RAD51B: variants seen among roughly 807,000 people sequenced by gnomAD.
RAD51B encodes the protein DNA repair protein RAD51 homolog 2.
Under a neutral mutation model 42.2 loss-of-function variants are expected in RAD51B, and 38 were observed. The observed-to-expected ratio is 0.90, with a 90% CI of 0.70 to 1.18. The LOEUF (loss-of-function observed/expected upper bound fraction) is 1.18. Among genes scored for constraint, RAD51B ranks in the 50% most tolerant of loss-of-function variants. The pLI is 0.00. For synonymous variants in RAD51B, 154 were observed against 145.2 expected, an observed-to-expected ratio of 1.06 and a Z score of -0.43; for missense variants, 373 against 400.7, an observed-to-expected ratio of 0.93 and a Z score of 0.59.
At chr14:67,839,413 A>G (rs752004733) in intron 4 of RAD51B, among the ~76,000 whole-genome samples, 15 of 152,000 alleles carry the variant, frequency 9.9e-5, no homozygotes, top group Non-Finnish European at 2.2e-4. Flanking sequence ...AGTGAATGAG[A>G]TTTTTAGGAA....
chr14:68,030,169 T>C (rs1408088025), intron 7 of RAD51B, among the ~76,000 whole-genome samples: 2 of 152,164 alleles, frequency 1.3e-5, no homozygotes, highest in African/African-American at 2.4e-5. Flanking sequence ...CAAATGAGCA[T>C]TGGTTTCAAC....
intron 10 of RAD51B, among the ~76,000 whole-genome samples, chr14:68,526,968 C>T (rs1886974642): frequency 6.6e-6 from 1 of 152,200 alleles, no homozygotes; most frequent in African/African-American, 2.4e-5. Flanking sequence ...ACAGTGCGGC[C>T]TGAATCTGTG....
At chr14:68,504,745 C>T (rs189184062) in intron 10 of RAD51B, among the ~76,000 whole-genome samples, 11 of 126,696 alleles carry the variant, frequency 8.7e-5, no homozygotes, top group African/African-American at 2.4e-4. Context: ...TAGTAATAAT[C>T]GCATATGGCT....
chr14:68,641,967 G>A (rs1193509788), intron 10 of RAD51B, among the ~76,000 whole-genome samples: 1 of 151,778 alleles, frequency 6.6e-6, no homozygotes. Flanking sequence ...TGATCATAGT[G>A]TATACTTCTT....
chr14:68,600,717 T>C (rs1891183505), downstream of RAD51B, among the ~76,000 whole-genome samples: 2 of 152,216 alleles, frequency 1.3e-5, no homozygotes, highest in South Asian at 4.1e-4. Flanking sequence ...TAAAGGCCTT[T>C]GTCCAGAGAA....
chr14:68,403,264 T>A (rs2084167027), intron 8 of RAD51B, among the ~76,000 whole-genome samples: 1 of 152,182 alleles, frequency 6.6e-6, no homozygotes, highest in Admixed American at 6.5e-5. Flanking sequence ...GGCCATGAAC[T>A]TTTCCTTCCC....
intron 7 of RAD51B, among the ~76,000 whole-genome samples, chr14:68,056,506 T>C (rs1595335299): frequency 1.3e-5 from 2 of 151,782 alleles, no homozygotes; most frequent in African/African-American, 4.8e-5. Flanking sequence ...TCCAGCACTT[T>C]GGGAGGCTGA....
intron 7 of RAD51B, among the ~76,000 whole-genome samples, chr14:68,064,607 G>A (rs2076620478): frequency 6.6e-6 from 1 of 151,818 alleles, no homozygotes; most frequent in Non-Finnish European, 1.5e-5. Flanking sequence ...ACTTAATGGT[G>A]TCCCAAAGTC....
chr14:68,497,093 C>T (rs1884582706), intron 10 of RAD51B: 3 of 1,364,408 alleles, frequency 2.2e-6, no homozygotes, highest in Non-Finnish European at 2.9e-6. Context: ...TTCTAGGTAT[C>T]TTGACACTCA....
intron 8 of RAD51B, among the ~76,000 whole-genome samples, chr14:68,294,470 T>G (rs1218309052): frequency 2.6e-5 from 4 of 152,230 alleles, no homozygotes; most frequent in Non-Finnish European, 5.9e-5. Flanking sequence ...CACACAGACA[T>G]GCACACGCAT....
intron 10 of RAD51B, among the ~76,000 whole-genome samples, chr14:68,544,642 G>T (rs1441074119): frequency 6.6e-6 from 1 of 152,096 alleles, no homozygotes; most frequent in Non-Finnish European, 1.5e-5. Context: ...TGCTTTCTGG[G>T]CAGACTGAAA....
chr14:67,939,733 C>CACATGGCTGTTCCCATCACAGGG (rs2045093185), intron 7 of RAD51B, among the ~76,000 whole-genome samples: 1 of 151,952 alleles, frequency 6.6e-6, no homozygotes, highest in Admixed American at 6.6e-5. Flanking sequence ...ATTATGTCTT[C>CACATGGCTGTTCCCATCACAGGG]ACATGGCTGT....
intron 7 of RAD51B, among the ~76,000 whole-genome samples, chr14:68,144,147 A>G (rs1235241691): frequency 6.6e-6 from 1 of 152,166 alleles, no homozygotes; most frequent in Admixed American, 6.5e-5. Flanking sequence ...ACACTTTCTC[A>G]ATTCTGACAG....
intron 7 of RAD51B, among the ~76,000 whole-genome samples, chr14:68,126,227 G>C (rs1054463222): frequency 6.6e-6 from 1 of 151,792 alleles, no homozygotes; most frequent in Non-Finnish European, 1.5e-5. Flanking sequence ...TTAAATATTC[G>C]TATTCATAAT....
At chr14:68,121,500 C>T (rs1433040903) in intron 7 of RAD51B, among the ~76,000 whole-genome samples, 2 of 152,116 alleles carry the variant, frequency 1.3e-5, no homozygotes, top group Non-Finnish European at 2.9e-5. Flanking sequence ...TTGGTAAGTG[C>T]CCTCTTGCTA....
chr14:68,616,487 C>CT (rs1312229291), downstream of RAD51B, among the ~76,000 whole-genome samples: 2 of 152,050 alleles, frequency 1.3e-5, no homozygotes, highest in African/African-American at 4.8e-5. Context: ...TAAAATACAG[C>CT]TTTTTTCAGA....
intron 7 of RAD51B, among the ~76,000 whole-genome samples, chr14:68,237,783 T>C (rs536504070): frequency 1.8e-4 from 26 of 141,376 alleles, no homozygotes; most frequent in Non-Finnish European, 2.9e-4. Context: ...GTCACCAGGC[T>C]GGAGTGCAGT....
intron 4 of RAD51B, among the ~76,000 whole-genome samples, chr14:67,846,010 G>A (rs1165953276): frequency 1.3e-5 from 2 of 152,160 alleles, no homozygotes; most frequent in African/African-American, 4.8e-5. Flanking sequence ...CTTCTGTGCT[G>A]GAGGAGCCCA....
At chr14:68,611,329 G>A (rs925397305) in exon 11 of RAD51B, 1 of 683,056 alleles carries the variant, frequency 1.5e-6, no homozygotes, top group Non-Finnish European at 2.7e-6. Context: ...TGAACCTCCA[G>A]GGAAGTTGCT....
Sources: allele counts gnomAD v4.1 joint callset (sites outside exome capture counted in the v4.1 genomes callset), GRCh38; gene constraint gnomAD v4.1.1; transcripts MANE v1.5; gene names NCBI Gene and HGNC (gene_info 2026-07-23, HGNC 2026-07-21).